CAMK4: variants seen among roughly 807,000 people sequenced by gnomAD.
CAMK4 encodes calcium/calmodulin dependent protein kinase IV, also known as calcium/calmodulin-dependent protein kinase type IV.
CAMK4 carries 22 observed loss-of-function variants against 44.9 expected under a neutral mutation model. The observed-to-expected ratio is 0.49, with a 90% CI of 0.35 to 0.70. CAMK4 has a LOEUF of 0.70. Ranked by LOEUF, CAMK4 falls within the 30% of genes least tolerant of loss-of-function variation. The probability of loss-of-function intolerance (pLI) is 0.01; values close to 1 mark genes in which losing one functional copy is unlikely to be tolerated. For synonymous variants in CAMK4, 218 were observed against 215.4 expected, an observed-to-expected ratio of 1.01 and a Z score of -0.11; for missense variants, 498 against 586.8, an observed-to-expected ratio of 0.85 and a Z score of 1.56.
intron 7 of CAMK4, among the ~76,000 whole-genome samples, chr5:111,471,195 G>A (rs891397755): frequency 1.3e-5 from 2 of 152,110 alleles, no homozygotes; most frequent in African/African-American, 4.8e-5. Flanking sequence ...ATGCAACAGT[G>A]TTGTCACCCA....
At chr5:111,225,143 T>C (rs1399244645) in intron 1 of CAMK4, among the ~76,000 whole-genome samples, 1 of 152,078 alleles carries the variant, frequency 6.6e-6, no homozygotes, top group Non-Finnish European at 1.5e-5. Context: ...CCCTGCAGAG[T>C]CTGCTCAGGA....
At position 111,486,167 on chromosome 5, in the gene CAMK4, A is replaced by C. The variant is rs1007078861; in HGVS notation, c.*1701A>C. The C allele has an allele frequency of 2.0e-5, 3 of 152,112 alleles. No individual in the cohort carries two copies. Among genetic ancestry groups the C allele is most frequent in the Non-Finnish European group, 4.4e-5 (3 of 68,020 alleles). 9.4% of individuals were successfully genotyped at this position (152,112 alleles called of 1,614,324 possible). ...TTTCAATCACAAATCTCTCTCTACTACTGTTCTCATGGGAAGAAAACAAGG... is the reference window on the plus strand; with the variant it reads ...TTTCAATCACAAATCTCTCTCTACTCCTGTTCTCATGGGAAGAAAACAAGG... On this transcript the variant is annotated 3_prime_UTR_variant, in exon 11 of 11. Coordinates refer to ENST00000282356, the MANE Select transcript of CAMK4 (RefSeq NM_001744.6).
chr5:111,309,143 CG>C (rs1469376916), intron 1 of CAMK4, among the ~76,000 whole-genome samples: 2 of 152,300 alleles, frequency 1.3e-5, no homozygotes, highest in African/African-American at 2.4e-5. Flanking sequence ...TGCTAGCTGA[CG>C]GTCCAGGGCA....
intron 1 of CAMK4, among the ~76,000 whole-genome samples, chr5:111,308,242 G>A (rs914508788): frequency 7.6e-6 from 1 of 131,590 alleles, no homozygotes; most frequent in African/African-American, 3.9e-5. Flanking sequence ...CTAAAACTTA[G>A]AGTATAATAA....
At chr5:111,399,578 A>G (rs1006703735) in intron 5 of CAMK4, among the ~76,000 whole-genome samples, 1 of 152,232 alleles carries the variant, frequency 6.6e-6, no homozygotes, top group Non-Finnish European at 1.5e-5. Flanking sequence ...CACTTACTGA[A>G]TAAGTAAATG....
At chr5:111,268,311 T>C (rs1464814337) in intron 1 of CAMK4, among the ~76,000 whole-genome samples, 1 of 152,094 alleles carries the variant, frequency 6.6e-6, no homozygotes, top group Non-Finnish European at 1.5e-5. Context: ...AGAATTGAGG[T>C]GTGTTTGTGA....
intron 5 of CAMK4, among the ~76,000 whole-genome samples, chr5:111,429,589 A>T (rs1017582592): frequency 6.6e-6 from 1 of 151,820 alleles, no homozygotes; most frequent in Non-Finnish European, 1.5e-5. Context: ...CATGGGCAAC[A>T]TGGCGAAACC....
At chr5:111,468,089 T>C (rs1294417287) in intron 7 of CAMK4, among the ~76,000 whole-genome samples, 1 of 152,078 alleles carries the variant, frequency 6.6e-6, no homozygotes, top group African/African-American at 2.4e-5. Context: ...CCAAACATCA[T>C]ATGTTCTCCC....
intron 5 of CAMK4, among the ~76,000 whole-genome samples, chr5:111,412,939 C>G (rs1440918924): frequency 6.6e-6 from 1 of 152,178 alleles, no homozygotes; most frequent in Non-Finnish European, 1.5e-5. Flanking sequence ...TGCAGAATTG[C>G]CTCTGAGCTG....
chr5:111,242,470 T>A (rs555139931), intron 1 of CAMK4, among the ~76,000 whole-genome samples: 1 of 152,316 alleles, frequency 6.6e-6, no homozygotes, highest in Non-Finnish European at 1.5e-5. Context: ...CACTGATCTT[T>A]TTCATTTACA....
Position 111,285,936 on chromosome 5 carries a change from A to G in CAMK4, c.162-58088A>G, listed in dbSNP as rs183275231. Among the ~76,000 whole-genome samples, 69 of 152,320 alleles carry G rather than the reference A, an allele frequency of 4.5e-4. No individual in the cohort carries two copies. The East Asian group carries it at 0.012, about 27-fold the overall frequency. ...AGCACTCTGGTGAGAAGGACCCTTC[A>G]TTACTCATAGACTTGCTGTTAGTAG... On this transcript the variant is annotated intron_variant, in intron 1 of 10. Transcript: ENST00000282356.
chr5:111,297,390 C>T (rs1254222809), intron 1 of CAMK4, among the ~76,000 whole-genome samples: 4 of 152,082 alleles, frequency 2.6e-5, no homozygotes, highest in Non-Finnish European at 5.9e-5. Context: ...AAAATTAGCT[C>T]ACTGCACTTC....
At chr5:111,401,286 G>A (rs306093) in intron 5 of CAMK4, among the ~76,000 whole-genome samples, 81,996 of 151,828 alleles carry the variant, frequency 0.54, 22,923 homozygotes, top group African/African-American at 0.7. Context: ...TTACAGGCAT[G>A]CGACACCATG....
At chr5:111,454,673 G>T (rs935556158) in intron 7 of CAMK4, among the ~76,000 whole-genome samples, 16 of 146,622 alleles carry the variant, frequency 1.1e-4, no homozygotes, top group Admixed American at 5.4e-4. Flanking sequence ...AGAAAAAATC[G>T]ATCAGGCCAT....
In CAMK4 at chr5:111,476,883, A is replaced by G. The variant is rs185514864; in HGVS notation, c.702-1498A>G. ...CTTTTACCTCTGTCACCAAAGCAAA[A>G]AGTCACTGATAGGAATGAAATGAGA... On this transcript the variant is annotated intron_variant, in intron 8 of 10. Coordinates refer to ENST00000282356, the MANE Select transcript of CAMK4 (RefSeq NM_001744.6). 5.3e-5 allele frequency among the ~76,000 whole-genome samples: 8 copies of G among 152,278 alleles called. No homozygotes were observed. In the East Asian group the frequency reaches 1.5e-3, roughly 29 times the overall value.
chr5:111,265,208 A>G (rs1158797744), intron 1 of CAMK4, among the ~76,000 whole-genome samples: 1 of 152,216 alleles, frequency 6.6e-6, no homozygotes, highest in South Asian at 2.1e-4. Flanking sequence ...GATATGCTTC[A>G]TAAGTATTTC....
chr5:111,275,726 G>T (rs1183147070), intron 1 of CAMK4, among the ~76,000 whole-genome samples: 2 of 152,032 alleles, frequency 1.3e-5, no homozygotes, highest in African/African-American at 4.8e-5. Context: ...GTGCAGTAGG[G>T]AAATTATAGT....
intron 1 of CAMK4, among the ~76,000 whole-genome samples, chr5:111,253,241 C>T (rs1403566369): frequency 6.6e-6 from 1 of 152,146 alleles, no homozygotes; most frequent in Non-Finnish European, 1.5e-5. Context: ...TCATTTTTGC[C>T]TTTCATCTTC....
chr5:111,365,986 T>G (rs999403016), intron 2 of CAMK4, among the ~76,000 whole-genome samples: 2 of 152,130 alleles, frequency 1.3e-5, no homozygotes, highest in African/African-American at 4.8e-5. Context: ...GTCAAGATTT[T>G]TCACCAAGCA....
Sources: allele counts gnomAD v4.1 joint callset (sites outside exome capture counted in the v4.1 genomes callset), GRCh38; gene constraint gnomAD v4.1.1; transcripts MANE v1.5; gene names NCBI Gene and HGNC (gene_info 2026-07-23, HGNC 2026-07-21).